The following TEKT5 variants were observed in gnomAD, a reference collection of about 807,000 sequenced individuals.
The protein encoded by TEKT5 is tektin-5.
In TEKT5, 52 loss-of-function variants were observed where a neutral mutation model predicts 48.7. The observed-to-expected ratio is 1.07, with a 90% CI of 0.86 to 1.35. TEKT5 has a LOEUF of 1.35. TEKT5 is among the 40% of genes most tolerant of loss of function. TEKT5 has a pLI of 0.00. For missense variants in TEKT5, 831 were observed against 641.6 expected (o/e 1.30, Z -3.19); for synonymous variants, 318 against 267.6 (o/e 1.19, Z -1.84).
At chr16:10,639,816 T>C (rs1332573231) in intron 5 of TEKT5, among the ~76,000 whole-genome samples, 2 of 152,310 alleles carry the variant, frequency 1.3e-5, no homozygotes, top group Admixed American at 1.3e-4. Flanking sequence ...AATCAGAGTG[T>C]GAGCCACTCC....
chr16:10,635,045 T>C (rs1897893996), intron 6 of TEKT5, among the ~76,000 whole-genome samples: 1 of 152,114 alleles, frequency 6.6e-6, no homozygotes, highest in African/African-American at 2.4e-5. Flanking sequence ...ACTAAGATAA[T>C]GCCCCTAGCA....
intron 5 of TEKT5, among the ~76,000 whole-genome samples, chr16:10,648,799 T>C (rs768034820): frequency 3.9e-5 from 6 of 152,218 alleles, no homozygotes; most frequent in Admixed American, 6.5e-5. Flanking sequence ...AGCTTCAGCA[T>C]TGAGCAGTTT....
rs539999580 is a variant in TEKT5, at chr16:10,655,145, A to G, written c.1087-19227T>C. 2.0e-5 allele frequency among the ~76,000 whole-genome samples: 3 copies of G among 152,194 alleles called. No homozygotes were observed. The South Asian group carries it at 6.2e-4, about 32-fold the overall frequency. On this transcript the variant is annotated intron_variant, in intron 5 of 6. Transcript: ENST00000283025. The stretch of plus-strand genomic sequence containing the variant: ...AAAAAAACAATTGAGGACTACATTT[A>G]TCCTTCAAGAACTGTTGTCTCTTTT...
At chr16:10,690,550 C>A in intron 1 of TEKT5, 1 of 983,938 alleles carries the variant, frequency 1.0e-6, no homozygotes, top group East Asian at 1.1e-4. Context: ...CAGGTGAAGT[C>A]GGCTTGACAA....
chr16:10,638,002 G>A (rs56868366), intron 5 of TEKT5, among the ~76,000 whole-genome samples: 7,857 of 152,114 alleles, frequency 0.052, 583 homozygotes, highest in African/African-American at 0.17. Context: ...TCAAGAGATT[G>A]GGGCTTGCTA....
rs1200188614 is a variant in TEKT5 at position 10,676,074 on chromosome 16, A to G, written c.971T>C (p.Phe324Ser). The G allele has an allele frequency of 6.2e-6, 10 of 1,614,240 alleles. No homozygotes were observed. The highest frequency in any genetic ancestry group is 8.5e-6 in the Non-Finnish European group (10 of 1,180,046). ...IQLREEAEHL[F>S]ETLSDQMWRQ... ...CCACATCTGATCCGACAAGGTCTCA[A>G]AGAGGTGCTCCGCCTCCTCCCGCAG... The change falls in exon 5 of 7, where the codon TTT (phenylalanine) becomes TCT (serine). Residue 324 changes from phenylalanine to serine, a missense_variant. Phe to Ser is a radical substitution (Grantham distance 155). Transcript: ENST00000283025.
At chr16:10,688,641 CTGG>C (rs1898908708) in intron 3 of TEKT5, among the ~76,000 whole-genome samples, 1 of 152,168 alleles carries the variant, frequency 6.6e-6, no homozygotes, top group Admixed American at 6.5e-5. Context: ...TTCGGGGGAG[CTGG>C]TGCCAAGGGC....
intron 5 of TEKT5, among the ~76,000 whole-genome samples, chr16:10,667,396 C>T (rs145948015): frequency 1.1e-3 from 162 of 152,312 alleles, no homozygotes; most frequent in East Asian, 3.7e-3. Context: ...TTTAGCCAAT[C>T]GCAGGCAGCC....
intron 5 of TEKT5, among the ~76,000 whole-genome samples, chr16:10,646,982 A>G (rs977673289): frequency 6.6e-6 from 1 of 152,156 alleles, no homozygotes; most frequent in Non-Finnish European, 1.5e-5. Flanking sequence ...GGGATGTACA[A>G]CCCTTAGAAT....
intron 5 of TEKT5, among the ~76,000 whole-genome samples, chr16:10,669,025 G>A (rs183792823): frequency 1.1e-4 from 16 of 152,252 alleles, no homozygotes; most frequent in Admixed American, 7.8e-4. Context: ...TTCAAGAGAC[G>A]CTGGAAATCT....
At chr16:10,665,087 A>C (rs1898436058) in intron 5 of TEKT5, among the ~76,000 whole-genome samples, 3 of 152,144 alleles carry the variant, frequency 2.0e-5, no homozygotes, top group African/African-American at 7.2e-5. Context: ...CAGAAGGTGG[A>C]GATGGAAGGG....
At chr16:10,678,340 G>A (rs777421332) in intron 4 of TEKT5, among the ~76,000 whole-genome samples, 6 of 151,996 alleles carry the variant, frequency 3.9e-5, no homozygotes, top group Admixed American at 3.9e-4. Context: ...GTCGTGATTC[G>A]CCCACCTCAG....
At chr16:10,656,106 T>C (rs780765391) in intron 5 of TEKT5, among the ~76,000 whole-genome samples, 1 of 152,154 alleles carries the variant, frequency 6.6e-6, no homozygotes, top group Non-Finnish European at 1.5e-5. Context: ...TTGAAGGATG[T>C]TTAGTTAGCA....
chr16:10,636,741 A>G (rs1220845493), intron 5 of TEKT5, among the ~76,000 whole-genome samples: 1 of 151,230 alleles, frequency 6.6e-6, no homozygotes, highest in Non-Finnish European at 1.5e-5. Context: ...AAACAGACTC[A>G]GAGTTTACCT....
Position 10,689,256 on chromosome 16 carries a change from A to C in TEKT5, c.716T>G (p.Met239Arg). ...TAAAAAAAAAAAAAGCCCTTACCGC[A>C]TCTGGATATCAATTCTTTGAGCTAA... ...RKLAQRIDIQ[M>R]RDNRDAQHVL... is the part of the protein sequence containing the mutation. The change falls in exon 3 of 7, where the codon ATG (methionine) becomes AGG (arginine). Residue 239 changes from methionine (M) to arginine (R), a missense_variant. Physicochemically the swap from Met to Arg is moderately conservative, Grantham distance 91 (BLOSUM62 -1). Coordinates refer to ENST00000283025, the MANE Select transcript of TEKT5 (RefSeq NM_144674.2). 6.2e-7 allele frequency: 1 copy of C among 1,605,286 alleles called. No homozygotes were observed. Among genetic ancestry groups the C allele is most frequent in the Non-Finnish European group, 8.5e-7 (1 of 1,177,562 alleles).
intron 5 of TEKT5, among the ~76,000 whole-genome samples, chr16:10,671,034 C>A (rs2719696): frequency 6.6e-6 from 1 of 151,804 alleles, no homozygotes; most frequent in Non-Finnish European, 1.5e-5. Context: ...ATTTGGAAAG[C>A]GAAAAGGTTT....
chr16:10,670,848 AATTTTT>A lies in TEKT5; in HGVS notation c.1086+5105_1086+5110del, dbSNP rs1307969775. The stretch of plus-strand genomic sequence containing the variant: ...TAATAATTCAAAACTTCCCTGGAGG[AATTTTT>A]ATTTTTATTTATTTATTTATTTATG... On this transcript the variant is annotated intron_variant, in intron 5 of 6. Transcript: ENST00000283025. Among the ~76,000 whole-genome samples the A allele has an allele frequency of 4.6e-5, 7 of 151,858 alleles. 1 individual carries two copies. In the Middle Eastern group the frequency reaches 0.014, roughly 295 times the overall value.
chr16:10,684,616 T>A (rs4780980), intron 3 of TEKT5, among the ~76,000 whole-genome samples: 63,472 of 151,826 alleles, frequency 0.42, 13,785 homozygotes, highest in East Asian at 0.62. Flanking sequence ...TGAGCTGGAA[T>A]GTGAAGCGAG....
intron 5 of TEKT5, among the ~76,000 whole-genome samples, chr16:10,647,405 G>C (rs955242107): frequency 6.6e-6 from 1 of 151,496 alleles, no homozygotes; most frequent in Admixed American, 6.6e-5. Context: ...CTGGGATGTC[G>C]AGGCTGCAGT....
Sources: allele counts gnomAD v4.1 joint callset (sites outside exome capture counted in the v4.1 genomes callset), GRCh38; gene constraint gnomAD v4.1.1; transcripts MANE v1.5; gene names NCBI Gene and HGNC (gene_info 2026-07-23, HGNC 2026-07-21).